The following NID1 variants were observed in gnomAD, a reference collection of about 807,000 sequenced individuals.
NID1 encodes the protein nidogen 1.
In NID1, 76 loss-of-function variants were observed where a neutral mutation model predicts 130.6. That is an observed-to-expected ratio of 0.58 (90% confidence interval 0.48 to 0.70). The LOEUF is 0.70. Among genes scored for constraint, NID1 ranks in the 30% least tolerant of loss-of-function variants. The probability of loss-of-function intolerance (pLI) is 0.00; values close to 1 mark genes in which losing one functional copy is unlikely to be tolerated. For synonymous variants in NID1, 665 were observed against 675.1 expected (o/e 0.98, Z 0.23); for missense variants, 1,517 against 1,664.8 (o/e 0.91, Z 1.54).
intron 11 of NID1, among the ~76,000 whole-genome samples, chr1:236,012,926 C>G (rs1007203254): frequency 1.3e-5 from 2 of 152,154 alleles, no homozygotes; most frequent in Non-Finnish European, 2.9e-5. Flanking sequence ...CCAAGAAGCT[C>G]AAGTCTGAAG....
Position 236,024,165 on chromosome 1 carries a change from C to T in NID1, c.2033G>A (p.Gly678Glu), listed in dbSNP as rs1658856248. 6.2e-7 allele frequency: 1 copy of T among 1,614,266 alleles called. No individual in the cohort carries two copies. Among genetic ancestry groups the T allele is most frequent in the Middle Eastern group, 1.6e-4 (1 of 6,062 alleles). ...GCGACAGGCCGCGTTGGTGTCACAC[C>T]CATGAGTGCCGATGTAGCAGGGATT... Reference protein sequence around the residue: ...LQNPCYIGTHGCDTNAACRPG... With the variant: ...LQNPCYIGTHECDTNAACRPG... Residue 678 changes from glycine to glutamate, a missense_variant, in exon 9 of 20, where the codon GGG (glycine) becomes GAG (glutamate). Gly to Glu is a moderately conservative substitution (Grantham distance 98). Transcript: ENST00000264187.
chr1:236,032,433 T>G lies in NID1; in HGVS notation c.1505A>C (p.Gln502Pro). The change falls in exon 6 of 20, where the codon CAG (glutamine) becomes CCG (proline). Residue 502 changes from glutamine (Q) to proline (P), a missense_variant. Gln to Pro is a moderately conservative substitution (Grantham distance 76). Around this residue, in one of 3 missense-constraint regions of NID1, gnomAD observed 1,329 missense variants for 1,429.2 expected, o/e 0.93. Coordinates refer to ENST00000264187, the MANE Select transcript of NID1 (RefSeq NM_002508.3). ...GIIGWMFAVE[Q>P]DGFKNGFSIT... ...GCTGAACCCATTCTTGAATCCGTCCTGCTCCACTGCAAACATCCATCCAAT... is the reference window on the plus strand; with the variant it reads ...GCTGAACCCATTCTTGAATCCGTCCGGCTCCACTGCAAACATCCATCCAAT... 6.2e-7 allele frequency: 1 copy of G among 1,614,152 alleles called. No homozygotes were observed. Among genetic ancestry groups the G allele is most frequent in the Non-Finnish European group, 8.5e-7 (1 of 1,180,030 alleles).
chr1:236,038,259 C>A lies in NID1; in HGVS notation c.1136-6G>T. Reference sequence around the variant, plus strand: ...ATCCGTGTTATAGCTGAAAACTGGTCCAAGAAAACAATTGCACACCTGTAA... The same window carrying A: ...ATCCGTGTTATAGCTGAAAACTGGTACAAGAAAACAATTGCACACCTGTAA... On this transcript the variant is annotated splice_region_variant and splice_polypyrimidine_tract_variant and intron_variant, in intron 4 of 19. Coordinates refer to ENST00000264187, the MANE Select transcript of NID1 (RefSeq NM_002508.3). 1 of 1,611,480 alleles carries A rather than the reference C, an allele frequency of 6.2e-7. No individual in the cohort carries two copies. The highest frequency in any genetic ancestry group is 1.1e-5 in the South Asian group (1 of 90,846).
At chr1:236,040,223 G>A (rs971767700) in intron 4 of NID1, among the ~76,000 whole-genome samples, 9 of 152,122 alleles carry the variant, frequency 5.9e-5, no homozygotes, top group African/African-American at 7.2e-5. Flanking sequence ...CAAAACCCAC[G>A]GCAGAGTGGC....
intron 1 of NID1, among the ~76,000 whole-genome samples, chr1:236,060,054 C>T (rs113892772): frequency 0.02 from 2,965 of 146,880 alleles, 107 homozygotes; most frequent in African/African-American, 0.072. Context: ...GAGCCGACAT[C>T]GTGCCACTGC....
chr1:235,993,626 A>G lies in NID1; in HGVS notation c.2755+19T>C. ...GTCCTTCTCAGGCACACGCCCAAGC[A>G]CGGCCTGCACCCACTTACACGGGGG... On this transcript the variant is annotated intron_variant, in intron 13 of 19. Transcript: ENST00000264187. 6.6e-7 allele frequency: 1 copy of G among 1,510,458 alleles called. No homozygotes were observed. The allele number at this position is 1,510,458 out of a possible 1,614,324, so 93.6% of individuals were successfully genotyped here.
At position 235,993,800 on chromosome 1, in the gene NID1, C is replaced by G. The variant is rs777381302; in HGVS notation, c.2600G>C (p.Arg867Pro). The change falls in exon 13 of 20, where the codon CGA becomes CCA. Residue 867 changes from arginine (R) to proline (P), a missense_variant. Arg to Pro is a moderately radical substitution (Grantham distance 103). Coordinates refer to ENST00000264187, the MANE Select transcript of NID1 (RefSeq NM_002508.3). ...AACGAACAGCCCCGGAGGAATGGGTCGCTGTGGGTCTGTCGCCCCCGCTGC... is the reference window on the plus strand; with the variant it reads ...AACGAACAGCCCCGGAGGAATGGGTGGCTGTGGGTCTGTCGCCCCCGCTGC... The part of the protein sequence containing the change: ...LGAAGATDPQ[R>P]PIPPGLFVPE... The G allele has an allele frequency of 6.2e-7, 1 of 1,614,154 alleles. No homozygotes were observed. The highest frequency in any genetic ancestry group is 8.5e-7 in the Non-Finnish European group (1 of 1,180,020).
At chr1:235,981,541 C>T (rs2102792036) in intron 16 of NID1, 70 bp downstream of exon 16, 1 of 1,500,986 alleles carries the variant, frequency 6.7e-7, no homozygotes, top group Non-Finnish European at 9.1e-7. Context: ...GTTAAAGCCT[C>T]ACATCTGAGA....
At chr1:236,030,104 A>G (rs140814260) in intron 6 of NID1, among the ~76,000 whole-genome samples, 3 of 152,294 alleles carry the variant, frequency 2.0e-5, no homozygotes, top group African/African-American at 7.2e-5. Context: ...CATTTCCCTG[A>G]TGATTAAAAA....
At chr1:235,989,169 G>A (rs989677489) in intron 14 of NID1, among the ~76,000 whole-genome samples, 2 of 145,324 alleles carry the variant, frequency 1.4e-5, no homozygotes, top group South Asian at 4.3e-4. Flanking sequence ...CAATTCTTGT[G>A]CCTCAGGCTC....
At chr1:236,044,808 A>C (rs939254293) in intron 3 of NID1, among the ~76,000 whole-genome samples, 2 of 151,824 alleles carry the variant, frequency 1.3e-5, no homozygotes, top group Middle Eastern at 3.2e-3. Flanking sequence ...TATTCCCCCT[A>C]GTCAATGTGA....
rs1054332096 is a variant in NID1, at chr1:235,999,640, G to C, written c.2528-5768C>G. Among the ~76,000 whole-genome samples the C allele has an allele frequency of 4.0e-4, 61 of 152,214 alleles. 1 individual carries two copies. Among genetic ancestry groups the C allele is most frequent in the Non-Finnish European group, 1.5e-5 (1 of 68,002 alleles). On this transcript the variant is annotated intron_variant, in intron 12 of 19. Coordinates refer to ENST00000264187, the MANE Select transcript of NID1 (RefSeq NM_002508.3). Reference sequence around the variant, plus strand: ...AAGCGTCTTCTTACTCATCTAGTTCGAGCTGCTAGGGAAGAAAGCATTCAA... The same window carrying C: ...AAGCGTCTTCTTACTCATCTAGTTCCAGCTGCTAGGGAAGAAAGCATTCAA...
At chr1:235,991,298 C>A (rs1034952228) in intron 13 of NID1, among the ~76,000 whole-genome samples, 1 of 152,124 alleles carries the variant, frequency 6.6e-6, no homozygotes, top group Non-Finnish European at 1.5e-5. Context: ...GAAGGTAATA[C>A]ACAGCATTAA....
At position 235,990,900 on chromosome 1, in the gene NID1, A is replaced by G; in HGVS notation, c.2914T>C (p.Phe972Leu). ...NTMRKTEAKA[F>L]LHVPAKVIIG... ...CCAGCACTCACCGGGACATGAAGGA[A>G]CGCCTTTGCTTCTGTCTTCCTCATG... is the stretch of plus-strand genomic sequence containing the variant. Residue 972 changes from phenylalanine (F) to leucine (L), a missense_variant, in exon 14 of 20, where the codon TTC becomes CTC. Phe to Leu is a conservative substitution (Grantham distance 22). Transcript: ENST00000264187. 1.2e-6 allele frequency: 2 copies of G among 1,614,024 alleles called. No homozygotes were observed. The highest frequency in any genetic ancestry group is 1.1e-5 in the South Asian group (1 of 91,064).
intron 2 of NID1, among the ~76,000 whole-genome samples, chr1:236,047,294 A>G (rs774298677): frequency 3.3e-4 from 51 of 152,268 alleles, no homozygotes; most frequent in Middle Eastern, 3.4e-3. Context: ...TGTGGTACAC[A>G]CTTTAGGAAC....
chr1:235,979,681 G>A lies in NID1; in HGVS notation c.3509+141C>T. The A allele has an allele frequency of 1.2e-6, 1 of 826,636 alleles. No homozygotes were observed. Among genetic ancestry groups the A allele is most frequent in the Non-Finnish European group, 1.9e-6 (1 of 528,886 alleles). 51.2% of individuals were successfully genotyped at this position (826,636 alleles called of 1,614,324 possible). ...TGGCTCCTGACAACCAGAAGGATAA[G>A]GGAGAGGGGACATCTCTAGAGGGGG... On this transcript the variant is annotated intron_variant, in intron 18 of 19. Transcript: ENST00000264187. The surrounding 1 kb of genome is among the most constrained non-coding windows in gnomAD (Gnocchi z 4.6).
chr1:235,986,132 T>C (rs1012420434), intron 14 of NID1, among the ~76,000 whole-genome samples: 3 of 152,238 alleles, frequency 2.0e-5, no homozygotes, highest in African/African-American at 7.2e-5. Flanking sequence ...AAGTTTTTGA[T>C]GTTTAGTAAG....
intron 10 of NID1, among the ~76,000 whole-genome samples, chr1:236,015,619 C>A (rs971981790): frequency 3.7e-5 from 5 of 133,474 alleles, no homozygotes; most frequent in Non-Finnish European, 6.2e-5. Context: ...TGCACTCCAG[C>A]CTGGGTGACA....
At chr1:235,985,744 G>C (rs1208343165) in intron 14 of NID1, among the ~76,000 whole-genome samples, 1 of 147,186 alleles carries the variant, frequency 6.8e-6, no homozygotes. Flanking sequence ...GTGTGTGTGT[G>C]TGTGTGTGTG....
Sources: allele counts gnomAD v4.1 joint callset (sites outside exome capture counted in the v4.1 genomes callset), GRCh38; gene constraint gnomAD v4.1.1; regional missense constraint gnomAD v4.1.1; non-coding constraint Gnocchi (gnomAD v3.1); transcripts MANE v1.5; gene names NCBI Gene and HGNC (gene_info 2026-07-23, HGNC 2026-07-21).